Variants in DDX54 observed in about 807,000 individuals in gnomAD.
DDX54 encodes the protein ATP-dependent RNA helicase DDX54.
Under a neutral mutation model 105.5 loss-of-function variants are expected in DDX54, and 67 were observed. The observed-to-expected ratio is 0.64, with a 90% CI of 0.52 to 0.78. The LOEUF is 0.78. Ranked by LOEUF, DDX54 falls within the 30% of genes least tolerant of loss-of-function variation. The probability of loss-of-function intolerance (pLI) is 0.00; values close to 1 mark genes in which losing one functional copy is unlikely to be tolerated. For synonymous variants in DDX54, 514 were observed against 509.9 expected, an observed-to-expected ratio of 1.01 and a Z score of -0.11; for missense variants, 1,206 against 1,230.5, an observed-to-expected ratio of 0.98 and a Z score of 0.30.
chr12:113,183,781 CT>C lies in DDX54; in HGVS notation c.174+1496del, dbSNP rs762497083. 8.7e-3 allele frequency: 1,252 copies of C among 144,066 alleles called. 5 individuals are homozygous for C. The highest frequency in any genetic ancestry group is 0.025 in the African/African-American group (978 of 39,488). The allele number at this position is 144,066 out of a possible 1,614,324, so 8.9% of individuals were successfully genotyped here. On this transcript the variant is annotated intron_variant, in intron 1 of 19. Coordinates refer to ENST00000306014, the MANE Select transcript of DDX54 (RefSeq NM_024072.4). ...CTTTTTTTGTAAAGATGGGATCTCC[CT>C]TTTTTTTTTTTTTCTTTTTTTGGAG... is the stretch of plus-strand genomic sequence containing the variant.
chr12:113,160,068 G>A (rs1443464195), intron 19 of DDX54, among the ~76,000 whole-genome samples: 5 of 152,214 alleles, frequency 3.3e-5, no homozygotes, highest in Admixed American at 3.3e-4. Flanking sequence ...CCCACTGCAC[G>A]GCAATGCTCG....
At position 113,172,021 on chromosome 12, in the gene DDX54, T is replaced by G. The variant is rs527287285; in HGVS notation, c.1279+332A>C. On this transcript the variant is annotated intron_variant, in intron 11 of 19. Transcript: ENST00000306014. The stretch of plus-strand genomic sequence containing the variant: ...CGATTTTAAAATAAAGTGTTGAGTA[T>G]CTCATGTAACTTATTGAATACTGTA... Among the ~76,000 whole-genome samples the G allele has an allele frequency of 3.1e-3, 466 of 152,178 alleles. 3 individuals are homozygous for G. The highest frequency in any genetic ancestry group is 0.01 in the African/African-American group (435 of 41,520).
chr12:113,174,089 G>C (rs2136321956), intron 10 of DDX54, among the ~76,000 whole-genome samples: 1 of 151,492 alleles, frequency 6.6e-6, no homozygotes, highest in South Asian at 2.1e-4. Context: ...TGAGGCAGGA[G>C]AATCACTTGA....
rs764322922 is a variant in DDX54, at chr12:113,177,112, G to A, written c.615-19C>T. On this transcript the variant is annotated intron_variant, in intron 5 of 19. Transcript: ENST00000306014. The stretch of plus-strand genomic sequence containing the variant: ...TTCCATCCTAGAGAGGAGAGAAGGG[G>A]TTAGCTTGATAGAACAGGTCTCTTT... 3.7e-6 allele frequency: 6 copies of A among 1,613,446 alleles called. No individual in the cohort carries two copies. Among genetic ancestry groups the A allele is most frequent in the Admixed American group, 3.3e-5 (2 of 59,908 alleles).
At chr12:113,171,519 G>C (rs989592108) in intron 11 of DDX54, among the ~76,000 whole-genome samples, 37 of 151,618 alleles carry the variant, frequency 2.4e-4, no homozygotes, top group African/African-American at 9.0e-4. Flanking sequence ...CAAGAGAATA[G>C]CTAGAACCTG....
chr12:113,160,822 A>C (rs1415458700), intron 19 of DDX54, among the ~76,000 whole-genome samples: 1 of 152,188 alleles, frequency 6.6e-6, no homozygotes, highest in African/African-American at 2.4e-5. Context: ...ATTCATGCTC[A>C]CTGTCAGGTC....
At chr12:113,164,367 G>A in intron 14 of DDX54, 82 bp from the exon 15 acceptor site, 3 of 1,457,058 alleles carry the variant, frequency 2.1e-6, no homozygotes, top group Non-Finnish European at 2.7e-6. Flanking sequence ...CTTCCTATGG[G>A]CGTTCTTCCC....
rs1378433652 is a variant in DDX54 at position 113,158,150 on chromosome 12, C to T, written c.*727G>A. 1 of 168,322 alleles carries T rather than the reference C, an allele frequency of 5.9e-6. No homozygotes were observed. Among genetic ancestry groups the T allele is most frequent in the Non-Finnish European group, 1.3e-5 (1 of 77,106 alleles). 10.4% of individuals were successfully genotyped at this position (168,322 alleles called of 1,614,324 possible). A position where few individuals can be genotyped will look rare whatever the true frequency, so the allele number is the denominator to read the frequency against. On this transcript the variant is annotated 3_prime_UTR_variant, in exon 20 of 20. Coordinates refer to ENST00000306014, the MANE Select transcript of DDX54 (RefSeq NM_024072.4). The surrounding 1 kb of genome is among the most constrained non-coding windows in gnomAD (Gnocchi z 4.9). ...AAACAGGGGGTGGGTGGCAAGAAGA[C>T]AGAGGACAGGCCAGGTTCTGACCTC...
At position 113,165,806 on chromosome 12, in the gene DDX54, G is replaced by T; in HGVS notation, c.1641C>A (p.Leu547=). ...MDLVGLGLHP[L]FSSRFEEEEL... ...CTGCCTTGTAGAAGGACTCACTGAA[G>T]AGGGGGTGCAGGCCCAGCCCCACAA... Residue 547 remains leucine (L), a synonymous_variant, in exon 13 of 20, where the codon CTC becomes CTA. Transcript: ENST00000306014. The T allele has an allele frequency of 6.2e-7, 1 of 1,603,574 alleles. No homozygotes were observed. The highest frequency in any genetic ancestry group is 1.1e-5 in the South Asian group (1 of 90,132).
chr12:113,174,960 G>A (rs762057581), intron 8 of DDX54, 24 bp from the exon 9 acceptor site: 4 of 1,612,204 alleles, frequency 2.5e-6, no homozygotes, highest in Middle Eastern at 3.3e-4. Context: ...GGGGGAAAGT[G>A]GGGGAGTCGC....
rs925088800 is a variant in DDX54 at position 113,169,870 on chromosome 12, G to A, written c.1314C>T (p.Ala438=). ...TTTCATCAGGGGCCACCAAGGAGTA[G>A]GCTGTGCCACTTCGGCCAGCCCGAG... is the stretch of plus-strand genomic sequence containing the variant. ...RVARAGRSGT[A]YSLVAPDEIP... is the part of the protein sequence containing the mutation. The change falls in exon 12 of 20, where the codon GCC becomes GCT. Residue 438 remains alanine (A), a synonymous_variant. Coordinates refer to ENST00000306014, the MANE Select transcript of DDX54 (RefSeq NM_024072.4). The A allele has an allele frequency of 3.1e-6, 5 of 1,613,824 alleles. No individual in the cohort carries two copies. The Admixed American group carries it at 6.7e-5, about 22-fold the overall frequency.
intron 18 of DDX54, chr12:113,161,585 T>TG: frequency 1.9e-6 from 1 of 520,376 alleles, no homozygotes; most frequent in Non-Finnish European, 3.4e-6. Flanking sequence ...TCCCACTTAT[T>TG]GGAGATGCCG....
Position 113,166,000 on chromosome 12 carries a change from C to A in DDX54, c.1447G>T (p.Val483Leu). The change falls in exon 13 of 20, where the codon GTG (valine) becomes TTG (leucine). Residue 483 changes from valine to leucine, a missense_variant. Physicochemically the swap from Val to Leu is conservative, Grantham distance 32. Coordinates refer to ENST00000306014, the MANE Select transcript of DDX54 (RefSeq NM_024072.4). ...VAGVDGMLGR[V>L]PQSVVDEEDS... ...TCCTCGTCCACCACACTCTGTGGCA[C>A]CCGACCCAGCATGCCATCCACACCG... 6.2e-7 allele frequency: 1 copy of A among 1,610,434 alleles called. No individual in the cohort carries two copies. Among genetic ancestry groups the A allele is most frequent in the Non-Finnish European group, 8.5e-7 (1 of 1,179,972 alleles).
intron 18 of DDX54, 48 bp from the exon 19 acceptor site, chr12:113,161,430 A>G: frequency 1.4e-6 from 2 of 1,465,998 alleles, no homozygotes; most frequent in Non-Finnish European, 1.9e-6. Flanking sequence ...GGGATGGGAG[A>G]AGGCTCCTCC....
intron 12 of DDX54, among the ~76,000 whole-genome samples, chr12:113,167,364 G>A (rs1321009115): frequency 1.3e-5 from 2 of 152,036 alleles, no homozygotes; most frequent in African/African-American, 2.4e-5. Flanking sequence ...GTGACAGAGT[G>A]AGCCCCTCTC....
At chr12:113,174,132 T>C (rs2136321984) in intron 10 of DDX54, among the ~76,000 whole-genome samples, 1 of 150,176 alleles carries the variant, frequency 6.7e-6, no homozygotes, top group Non-Finnish European at 1.5e-5. Context: ...TGAGCTGAGA[T>C]CGTGCCACTG....
chr12:113,160,848 G>A (rs542791988), intron 19 of DDX54, among the ~76,000 whole-genome samples: 6 of 152,222 alleles, frequency 3.9e-5, no homozygotes, highest in Non-Finnish European at 7.3e-5. Flanking sequence ...ACATGCAAAT[G>A]CCATTTTTGC....
Position 113,165,836 on chromosome 12 carries a change from C to T in DDX54, c.1611G>A (p.Met537Ile), listed in dbSNP as rs750922290. 1.9e-5 allele frequency: 30 copies of T among 1,611,036 alleles called. No individual in the cohort carries two copies. In the South Asian group the frequency reaches 2.1e-4, roughly 11 times the overall value. ...SPESIKRAKE[M>I]DLVGLGLHPL... ...GGTGCAGGCCCAGCCCCACAAGGTC[C>T]ATCTCCTTGGCCCTCTTGATGGACT... The change falls in exon 13 of 20, where the codon ATG becomes ATA. Residue 537 changes from methionine (M) to isoleucine (I), a missense_variant. Physicochemically the swap from Met to Ile is conservative, Grantham distance 10. Coordinates refer to ENST00000306014, the MANE Select transcript of DDX54 (RefSeq NM_024072.4).
chr12:113,159,815 G>C (rs553415438), intron 19 of DDX54, among the ~76,000 whole-genome samples: 1 of 152,040 alleles, frequency 6.6e-6, no homozygotes, highest in Non-Finnish European at 1.5e-5. Context: ...CTAGTTCTCC[G>C]GGAGGCAAGC....
Sources: allele counts gnomAD v4.1 joint callset (sites outside exome capture counted in the v4.1 genomes callset), GRCh38; gene constraint gnomAD v4.1.1; non-coding constraint Gnocchi (gnomAD v3.1); transcripts MANE v1.5; gene names NCBI Gene and HGNC (gene_info 2026-07-23, HGNC 2026-07-21).